The following SLC5A3 variants were observed in gnomAD, a reference collection of about 807,000 sequenced individuals.
SLC5A3 encodes solute carrier family 5 member 3.
A neutral mutation model predicts 43.2 loss-of-function variants in SLC5A3; 10 were observed. That is an observed-to-expected ratio of 0.23 (90% confidence interval 0.14 to 0.39). The LOEUF (loss-of-function observed/expected upper bound fraction) is 0.39. SLC5A3 is among the 10% of genes least tolerant of loss of function. The probability of loss-of-function intolerance (pLI) is 1.00; values close to 1 mark genes in which losing one functional copy is unlikely to be tolerated. For synonymous variants in SLC5A3, 349 were observed against 322.0 expected, an observed-to-expected ratio of 1.08 and a Z score of -0.90; for missense variants, 608 against 893.4, an observed-to-expected ratio of 0.68 and a Z score of 4.07.
intron 1 of SLC5A3, among the ~76,000 whole-genome samples, chr21:34,082,892 G>GT (rs1989491385): frequency 6.6e-6 from 1 of 152,112 alleles, no homozygotes; most frequent in Non-Finnish European, 1.5e-5. Flanking sequence ...ACAGTCCCAG[G>GT]TAAGGTAATT....
chr21:34,099,612 TTC>T lies in SLC5A3; in HGVS notation c.*2260_*2261del. The T allele has an allele frequency of 1.0e-6, 1 of 999,654 alleles. No individual in the cohort carries two copies. The allele number at this position is 999,654 out of a possible 1,614,324, so 61.9% of individuals were successfully genotyped here. On this transcript the variant is annotated 3_prime_UTR_variant, in exon 2 of 2. Transcript: ENST00000381151. ...ATAGGAGGTGTTTGTGATTTTTTTT[TTC>T]TCCCTTTATTTAACATTGAGTCCTA...
At position 34,098,478 on chromosome 21, in the gene SLC5A3, A is replaced by G. The variant is rs2850033; in HGVS notation, c.*1123A>G. On this transcript the variant is annotated 3_prime_UTR_variant, in exon 2 of 2. Coordinates refer to ENST00000381151, the MANE Select transcript of SLC5A3 (RefSeq NM_006933.7). ...TTTTTCCCTGATTTTTTTTTTCCTC[A>G]AAAGACTTTCCATCTGTACACAGCC... The G allele has an allele frequency of 2.0e-6, 2 of 1,000,024 alleles. No homozygotes were observed. Among genetic ancestry groups the G allele is most frequent in the East Asian group, 1.1e-4 (1 of 8,820 alleles). The allele number at this position is 1,000,024 out of a possible 1,614,324, so 61.9% of individuals were successfully genotyped here. A position where few individuals can be genotyped will look rare whatever the true frequency, so the allele number is the denominator to read the frequency against.
chr21:34,091,682 T>G (rs1236374926), intron 1 of SLC5A3, among the ~76,000 whole-genome samples: 1 of 152,214 alleles, frequency 6.6e-6, no homozygotes, highest in African/African-American at 2.4e-5. Flanking sequence ...GCATTCTAAT[T>G]CTGTGCAAAA....
In SLC5A3 at chr21:34,095,823, G is replaced by A. The variant is rs915963523; in HGVS notation, c.625G>A (p.Gly209Arg). The change falls in exon 2 of 2, where the codon GGG becomes AGG. Residue 209 changes from glycine to arginine, a missense_variant. Gly to Arg is a moderately radical substitution (Grantham distance 125). Coordinates refer to ENST00000381151, the MANE Select transcript of SLC5A3 (RefSeq NM_006933.7). ...GATTATTAGCATAATGGAGATTGGC[G>A]GGTTTGAGGAAGTTAAGAGAAGGTA... ...LMIISIMEIGGFEEVKRRYML... is the reference protein window; with the variant it reads ...LMIISIMEIGRFEEVKRRYML... The A allele has an allele frequency of 4.3e-6, 7 of 1,613,860 alleles. No individual in the cohort carries two copies. Among genetic ancestry groups the A allele is most frequent in the African/African-American group, 4.0e-5 (3 of 74,866 alleles).
In SLC5A3 at chr21:34,099,512, C is replaced by A; in HGVS notation, c.*2157C>A. The A allele has an allele frequency of 5.0e-6, 5 of 998,618 alleles. No homozygotes were observed. In the South Asian group the frequency reaches 2.4e-4, roughly 47 times the overall value. The allele number at this position is 998,618 out of a possible 1,614,324, so 61.9% of individuals were successfully genotyped here. A position where few individuals can be genotyped will look rare whatever the true frequency, so the allele number is the denominator to read the frequency against. The stretch of plus-strand genomic sequence containing the variant: ...GTAAGAACTAAAATTTTCTTTGAAC[C>A]ACATTACTGTGTAATTCACTGATAA... On this transcript the variant is annotated 3_prime_UTR_variant, in exon 2 of 2. Coordinates refer to ENST00000381151, the MANE Select transcript of SLC5A3 (RefSeq NM_006933.7).
chr21:34,103,315 T>TAAAAA lies in SLC5A3; in HGVS notation c.*5972_*5976dup, dbSNP rs11433558. On this transcript the variant is annotated 3_prime_UTR_variant, in exon 2 of 2. Coordinates refer to ENST00000381151, the MANE Select transcript of SLC5A3 (RefSeq NM_006933.7). The stretch of plus-strand genomic sequence containing the variant: ...ATTTTGTCGTAACTAGTGAAGGAAG[T>TAAAAA]AAAAAAAAAAAAAAAACATGCATTA... 1.4e-4 allele frequency: 128 copies of TAAAAA among 911,604 alleles called. No individual in the cohort carries two copies. The South Asian group carries it at 2.3e-3, about 16-fold the overall frequency. The allele number at this position is 911,604 out of a possible 1,614,324, so 56.5% of individuals were successfully genotyped here.
At chr21:34,091,212 G>A (rs1978667702) in intron 1 of SLC5A3, among the ~76,000 whole-genome samples, 1 of 152,156 alleles carries the variant, frequency 6.6e-6, no homozygotes, top group Non-Finnish European at 1.5e-5. Flanking sequence ...AAAGCTAAAA[G>A]AGGTGGTTGT....
At chr21:34,093,161 TG>T (rs756769091) in intron 1 of SLC5A3, among the ~76,000 whole-genome samples, 1 of 151,736 alleles carries the variant, frequency 6.6e-6, no homozygotes, top group Non-Finnish European at 1.5e-5. Flanking sequence ...CTTTTGGGGG[TG>T]GGGAAGGTGG....
intron 1 of SLC5A3, among the ~76,000 whole-genome samples, chr21:34,079,692 G>A (rs1989417322): frequency 7.4e-6 from 1 of 135,390 alleles, no homozygotes; most frequent in Non-Finnish European, 1.5e-5. Context: ...CTCGTGATCT[G>A]CCCGCTTTGG....
chr21:34,082,987 C>CA (rs1383076178), intron 1 of SLC5A3, among the ~76,000 whole-genome samples: 10 of 152,288 alleles, frequency 6.6e-5, no homozygotes, highest in African/African-American at 2.4e-4. Flanking sequence ...ACAGACTTAG[C>CA]AAAACTTTCT....
At chr21:34,073,768 C>G (rs762879285) in intron 1 of SLC5A3, 23 bp downstream of exon 1, 3 of 1,475,932 alleles carry the variant, frequency 2.0e-6, no homozygotes, top group Non-Finnish European at 2.7e-6. Context: ...CCCTCAGAGC[C>G]GGTCTTCCCG....
Position 34,098,094 on chromosome 21 carries a change from T to A in SLC5A3, c.*739T>A, listed in dbSNP as rs75106434. 11,062 of 999,320 alleles carry A rather than the reference T, an allele frequency of 0.011. 62 individuals are homozygous for A. The highest frequency in any genetic ancestry group is 0.012 in the Non-Finnish European group (9,803 of 829,268). The allele number at this position is 999,320 out of a possible 1,614,324, so 61.9% of individuals were successfully genotyped here. A position where few individuals can be genotyped will look rare whatever the true frequency, so the allele number is the denominator to read the frequency against. ...TGTCATGATTGTGTTGTTAAATGAT[T>A]ATGGGGGAGAAAATGAAGTAAATGT... On this transcript the variant is annotated 3_prime_UTR_variant, in exon 2 of 2. Transcript: ENST00000381151.
In SLC5A3 at chr21:34,073,695, C is replaced by T. The variant is rs1989244664; in HGVS notation, c.-387C>T. On this transcript the variant is annotated 5_prime_UTR_variant, in exon 1 of 2. Coordinates refer to ENST00000381151, the MANE Select transcript of SLC5A3 (RefSeq NM_006933.7). ...CTTCCGAGCCGCACTCGCCGATCCTCCAGGCATGCCCCGCTACGAGCTGGC... is the reference window on the plus strand; with the variant it reads ...CTTCCGAGCCGCACTCGCCGATCCTTCAGGCATGCCCCGCTACGAGCTGGC... 2 of 1,520,670 alleles carry T rather than the reference C, an allele frequency of 1.3e-6. No individual in the cohort carries two copies. The highest frequency in any genetic ancestry group is 1.4e-5 in the African/African-American group (1 of 69,164). 94.2% of individuals were successfully genotyped at this position (1,520,670 alleles called of 1,614,324 possible).
Position 34,100,189 on chromosome 21 carries a change from T to C in SLC5A3, c.*2834T>C. 1 of 1,000,172 alleles carries C rather than the reference T, an allele frequency of 1.0e-6. No individual in the cohort carries two copies. Among genetic ancestry groups the C allele is most frequent in the Non-Finnish European group, 1.2e-6 (1 of 829,936 alleles). The allele number at this position is 1,000,172 out of a possible 1,614,324, so 62.0% of individuals were successfully genotyped here. A position where few individuals can be genotyped will look rare whatever the true frequency, so the allele number is the denominator to read the frequency against. The stretch of plus-strand genomic sequence containing the variant: ...ACTGGTCTTGGAAGGTAGAGAAAAA[T>C]AAATGTCTTACCAGGTGTTAATGGT... On this transcript the variant is annotated 3_prime_UTR_variant, in exon 2 of 2. Coordinates refer to ENST00000381151, the MANE Select transcript of SLC5A3 (RefSeq NM_006933.7).
chr21:34,087,002 G>A (rs985960421), intron 1 of SLC5A3, among the ~76,000 whole-genome samples: 12 of 152,212 alleles, frequency 7.9e-5, no homozygotes, highest in Admixed American at 3.3e-4. Flanking sequence ...AGAGGTGGAT[G>A]TCGACAGTTG....
At chr21:34,085,844 C>G (rs1450182016) in intron 1 of SLC5A3, among the ~76,000 whole-genome samples, 5 of 152,144 alleles carry the variant, frequency 3.3e-5, no homozygotes, top group African/African-American at 1.2e-4. Context: ...CCTCGTGATT[C>G]ACCCGCCTCG....
chr21:34,097,156 G>T lies in SLC5A3; in HGVS notation c.1958G>T (p.Arg653Leu). ...ERKKETDDGG[R>L]YWKFIDWFCG... ...AAGAAAGAAACGGATGATGGAGGTC[G>T]GTACTGGAAGTTCATAGACTGGTTT... Residue 653 changes from arginine (R) to leucine (L), a missense_variant, in exon 2 of 2, where the codon CGG (arginine) becomes CTG (leucine). Physicochemically the swap from Arg to Leu is moderately radical, Grantham distance 102. Coordinates refer to ENST00000381151, the MANE Select transcript of SLC5A3 (RefSeq NM_006933.7). The T allele has an allele frequency of 6.2e-7, 1 of 1,613,962 alleles. No individual in the cohort carries two copies. The highest frequency in any genetic ancestry group is 8.5e-7 in the Non-Finnish European group (1 of 1,179,930).
In SLC5A3 at chr21:34,096,866, G is replaced by A. The variant is rs772571405; in HGVS notation, c.1668G>A (p.Glu556=). The A allele has an allele frequency of 1.1e-5, 17 of 1,614,102 alleles. No homozygotes were observed. The highest frequency in any genetic ancestry group is 1.4e-5 in the Non-Finnish European group (16 of 1,179,982). Residue 556 remains glutamate (E), a synonymous_variant, in exon 2 of 2, where the codon GAG becomes GAA. Transcript: ENST00000381151. The surrounding 1 kb of genome is among the most constrained non-coding windows in gnomAD (Gnocchi z 5.9). Reference sequence around the variant, plus strand: ...CTAAGAAGAACCTGGTGGTGAAGGAGAACTGCTCCCCAAAAGAGGAACCAT... The same window carrying A: ...CTAAGAAGAACCTGGTGGTGAAGGAAAACTGCTCCCCAAAAGAGGAACCAT... ...FWSKKNLVVK[E]NCSPKEEPYK...
intron 1 of SLC5A3, among the ~76,000 whole-genome samples, chr21:34,087,524 A>G (rs1323024006): frequency 6.6e-6 from 1 of 152,236 alleles, no homozygotes; most frequent in African/African-American, 2.4e-5. Flanking sequence ...AGAAACGTTT[A>G]AGTTTTATAG....
Sources: gnomAD v4.1 joint callset for allele counts (sites outside exome capture counted in the v4.1 genomes callset) on GRCh38, gnomAD v4.1.1 for gene constraint, Gnocchi (gnomAD v3.1) non-coding constraint, MANE v1.5 for transcripts, NCBI Gene and HGNC (gene_info 2026-07-23, HGNC 2026-07-21) for gene names.